SMCO1: variants seen among roughly 807,000 people sequenced by gnomAD.
SMCO1 encodes single-pass membrane protein with coiled-coil domains 1.
A neutral mutation model predicts 7.5 loss-of-function variants in SMCO1; 9 were observed. The ratio of observed to expected loss-of-function variants is 1.20; its 90% CI spans 0.72 to 2.09. SMCO1 has a LOEUF of 2.09. Ranked by LOEUF, SMCO1 falls within the 30% of genes most tolerant of loss-of-function variation. The pLI, the probability that SMCO1 is intolerant of heterozygous loss-of-function variation, is 0.00. For synonymous variants in SMCO1, 90 were observed against 93.8 expected (o/e 0.96, Z 0.23); for missense variants, 219 against 253.1 (o/e 0.87, Z 0.91).
Position 196,507,882 on chromosome 3 carries a change from A to G in SMCO1, c.*5T>C, listed in dbSNP as rs1253147438. The G allele has an allele frequency of 6.3e-7, 1 of 1,581,326 alleles. No homozygotes were observed. Among genetic ancestry groups the G allele is most frequent in the Non-Finnish European group, 8.6e-7 (1 of 1,156,332 alleles). On this transcript the variant is annotated 3_prime_UTR_variant, in exon 3 of 3. Transcript: ENST00000397537. ...GGTGGAATCACTGGGTCATAGGGTAACAGGTTAGTTTTTGACAGATGGTAT... is the reference window on the plus strand; with the variant it reads ...GGTGGAATCACTGGGTCATAGGGTAGCAGGTTAGTTTTTGACAGATGGTAT...
upstream of SMCO1, among the ~76,000 whole-genome samples, chr3:196,516,277 G>T (rs141905814): frequency 4.6e-5 from 7 of 151,626 alleles, no homozygotes; most frequent in African/African-American, 1.7e-4. Flanking sequence ...ATAATAGAAG[G>T]TGAGAGACTA....
At chr3:196,518,337 G>C (rs1316261886), upstream of SMCO1, among the ~76,000 whole-genome samples, 1 of 152,208 alleles carries the variant, frequency 6.6e-6, no homozygotes, top group Non-Finnish European at 1.5e-5. Flanking sequence ...TTGTACAGGG[G>C]AGCTGTTCTC....
chr3:196,516,269 A>G (rs1484586635), upstream of SMCO1, among the ~76,000 whole-genome samples: 1 of 151,696 alleles, frequency 6.6e-6, no homozygotes, highest in African/African-American at 2.4e-5. Context: ...CCATAAAAAT[A>G]ATAGAAGGTG....
At chr3:196,510,500 C>G (rs1243868779) in intron 1 of SMCO1, among the ~76,000 whole-genome samples, 2 of 152,078 alleles carry the variant, frequency 1.3e-5, no homozygotes, top group African/African-American at 4.8e-5. Flanking sequence ...CGCCAGTCCC[C>G]TCACCCATCC....
At chr3:196,516,910 C>A (rs762523713), upstream of SMCO1, among the ~76,000 whole-genome samples, 1 of 151,780 alleles carries the variant, frequency 6.6e-6, no homozygotes, top group Non-Finnish European at 1.5e-5. Context: ...ACCAGCTTGG[C>A]CAACATGGCA....
upstream of SMCO1, among the ~76,000 whole-genome samples, chr3:196,518,858 A>T (rs76048121): frequency 6.6e-6 from 1 of 152,168 alleles, no homozygotes; most frequent in Non-Finnish European, 1.5e-5. Context: ...CTTACTGGGG[A>T]GAACATGGAG....
chr3:196,510,754 A>G (rs916809148), intron 1 of SMCO1, among the ~76,000 whole-genome samples: 1 of 152,086 alleles, frequency 6.6e-6, no homozygotes, highest in Non-Finnish European at 1.5e-5. Context: ...CTGCTTTACT[A>G]TTAGGGTTAG....
At chr3:196,508,381 G>T (rs1256323990) in intron 2 of SMCO1, 50 bp from the exon 3 acceptor site, 2 of 1,470,924 alleles carry the variant, frequency 1.4e-6, no homozygotes, top group Non-Finnish European at 1.8e-6. Context: ...ATTTTATATA[G>T]AAACAGAAAA....
chr3:196,515,979 A>C (rs1733371583), upstream of SMCO1, among the ~76,000 whole-genome samples: 1 of 49,202 alleles, frequency 2.0e-5, no homozygotes, highest in Non-Finnish European at 3.5e-5. Context: ...AGCCCGGGCA[A>C]GAGGATAGGA....
At chr3:196,512,875 A>C (rs1326811029) in intron 1 of SMCO1, among the ~76,000 whole-genome samples, 1 of 152,114 alleles carries the variant, frequency 6.6e-6, no homozygotes, top group East Asian at 1.9e-4. Context: ...CAACTCTCCT[A>C]AGCTTAACCT....
chr3:196,516,851 C>A (rs1418883337), upstream of SMCO1, among the ~76,000 whole-genome samples: 1 of 152,062 alleles, frequency 6.6e-6, no homozygotes, highest in South Asian at 2.1e-4. Context: ...GTAATCCCAA[C>A]ATTTTGGGAG....
At position 196,508,048 on chromosome 3, in the gene SMCO1, T is replaced by G. The variant is rs184546435; in HGVS notation, c.484A>C (p.Ile162Leu). The change falls in exon 3 of 3, where the codon ATC becomes CTC. Residue 162 changes from isoleucine (I) to leucine (L), a missense_variant. By Grantham distance (5) the Ile-to-Leu change is conservative. Transcript: ENST00000397537. ...HYTAKVRQMY[I>L]RDVTFLITNM... ...GTAATTAGGAACGTGACATCCCTGA[T>G]GTACATCTGCCTCACTTTAGCAGTA... The G allele has an allele frequency of 6.8e-6, 11 of 1,614,218 alleles. 1 individual carries two copies. In the Admixed American group the frequency reaches 1.8e-4, roughly 27 times the overall value.
chr3:196,515,112 C>T, intron 1 of SMCO1, 48 bp downstream of exon 1: 1 of 1,605,026 alleles, frequency 6.2e-7, no homozygotes, highest in East Asian at 2.2e-5. Context: ...ACCCATCTTC[C>T]CAGAATAGCA....
Position 196,515,171 on chromosome 3 carries a change from C to T in SMCO1, c.39G>A (p.Glu13=), listed in dbSNP as rs1458170147. ...NETTTLISLK[E]AMKRVDHKLQ... is the part of the protein sequence containing the mutation. The stretch of plus-strand genomic sequence containing the variant: ...TAGCCCTCAGCAACCTTTTCATTGC[C>T]TCCTTCAAGGATATCAGGGTTGTGG... The change falls in exon 1 of 3, where the codon GAG becomes GAA. Residue 13 remains glutamate, a synonymous_variant. Coordinates refer to ENST00000397537, the MANE Select transcript of SMCO1 (RefSeq NM_001077657.3). 1 of 1,613,980 alleles carries T rather than the reference C, an allele frequency of 6.2e-7. No individual in the cohort carries two copies.
At position 196,511,192 on chromosome 3, in the gene SMCO1, C is replaced by T. The variant is rs531615646; in HGVS notation, c.51-1523G>A. Among the ~76,000 whole-genome samples, 28 of 136,012 alleles carry T rather than the reference C, an allele frequency of 2.1e-4. No individual in the cohort carries two copies. The South Asian group carries it at 5.9e-3, about 29-fold the overall frequency. The allele number at this position is 136,012 out of a possible 152,430, so 89.2% of individuals were successfully genotyped here. A position where few individuals can be genotyped will look rare whatever the true frequency, so the allele number is the denominator to read the frequency against. On this transcript the variant is annotated intron_variant, in intron 1 of 2. Coordinates refer to ENST00000397537, the MANE Select transcript of SMCO1 (RefSeq NM_001077657.3). Reference sequence around the variant, plus strand: ...TCCTTATGAGGGAAACCTGCCTGGGCCACCTAGATTGTCTTTATGAGGGAA... The same window carrying T: ...TCCTTATGAGGGAAACCTGCCTGGGTCACCTAGATTGTCTTTATGAGGGAA...
intron 1 of SMCO1, among the ~76,000 whole-genome samples, chr3:196,513,189 G>A (rs548633685): frequency 1.2e-4 from 19 of 152,122 alleles, no homozygotes; most frequent in Non-Finnish European, 2.5e-4. Context: ...TTAGCCTAGT[G>A]TGGTGGTGTG....
chr3:196,517,670 T>C (rs996182940), upstream of SMCO1, among the ~76,000 whole-genome samples: 2 of 151,746 alleles, frequency 1.3e-5, no homozygotes, highest in Non-Finnish European at 2.9e-5. Flanking sequence ...ATCTGAATTC[T>C]ATTTATTTTA....
At chr3:196,515,987 GGATAT>G (rs1373037788), upstream of SMCO1, among the ~76,000 whole-genome samples, 12 of 8,528 alleles carry the variant, frequency 1.4e-3, no homozygotes, top group African/African-American at 5.4e-3. Flanking sequence ...CAAGAGGATA[GGATAT>G]ATATATATAT....
At chr3:196,511,112 C>T (rs1224036995) in intron 1 of SMCO1, among the ~76,000 whole-genome samples, 1 of 147,454 alleles carries the variant, frequency 6.8e-6, no homozygotes, top group Non-Finnish European at 1.5e-5. Context: ...GGGAAATTTG[C>T]CTGGGCCACC....
Sources: gnomAD v4.1 joint callset for allele counts (sites outside exome capture counted in the v4.1 genomes callset) on GRCh38, gnomAD v4.1.1 for gene constraint, MANE v1.5 for transcripts, NCBI Gene and HGNC (gene_info 2026-07-23, HGNC 2026-07-21) for gene names.